TNR: variants seen among roughly 807,000 people sequenced by gnomAD.
TNR encodes the protein tenascin R, also known as tenascin-R.
In TNR, 45 loss-of-function variants were observed where a neutral mutation model predicts 150.4. That is an observed-to-expected ratio of 0.30 (90% CI 0.24 to 0.38). The LOEUF is 0.38. TNR is among the 10% of genes least tolerant of loss of function. The pLI, the probability that TNR is intolerant of heterozygous loss-of-function variation, is 1.00. For synonymous variants in TNR, 687 were observed against 678.4 expected, an observed-to-expected ratio of 1.01 and a Z score of -0.20; for missense variants, 1,544 against 1,759.1, an observed-to-expected ratio of 0.88 and a Z score of 2.19.
intron 1 of TNR, among the ~76,000 whole-genome samples, chr1:175,740,457 G>A (rs1051286496): frequency 1.7e-4 from 26 of 151,908 alleles, no homozygotes; most frequent in African/African-American, 5.8e-4. Flanking sequence ...AGTAATAATG[G>A]CGCTTTCCAG....
chr1:175,476,591 C>A (rs1657553639), intron 2 of TNR, among the ~76,000 whole-genome samples: 1 of 152,164 alleles, frequency 6.6e-6, no homozygotes, highest in Non-Finnish European at 1.5e-5. Context: ...TGAAATAATT[C>A]ACATTCCACA....
rs142886533 is a variant in TNR, at chr1:175,686,008, A to G, written c.-165+57218T>C. On this transcript the variant is annotated intron_variant, in intron 1 of 22. Transcript: ENST00000367674. ...TGGCTCCTTTTGCAAGAAGCTTTCT[A>G]CCACCAGGCTTGAGACTGGATCTCA... Among the ~76,000 whole-genome samples, 25 of 152,216 alleles carry G rather than the reference A, an allele frequency of 1.6e-4. No homozygotes were observed. In the East Asian group the frequency reaches 4.6e-3, roughly 28 times the overall value.
intron 1 of TNR, among the ~76,000 whole-genome samples, chr1:175,730,692 G>A (rs911589663): frequency 2.0e-5 from 3 of 152,148 alleles, no homozygotes; most frequent in Non-Finnish European, 4.4e-5. Flanking sequence ...GGGAGGGAAC[G>A]GACAATAAGG....
intron 1 of TNR, among the ~76,000 whole-genome samples, chr1:175,734,853 G>A (rs183367956): frequency 7.9e-5 from 12 of 152,318 alleles, no homozygotes; most frequent in African/African-American, 2.4e-4. Context: ...GCTGGGCTGC[G>A]TGTGAGCGAG....
chr1:175,520,323 C>T lies in TNR; in HGVS notation c.-64+7946G>A, dbSNP rs148546321. On this transcript the variant is annotated intron_variant, in intron 2 of 22. Coordinates refer to ENST00000367674, the MANE Select transcript of TNR (RefSeq NM_003285.3). ...AATCATCTCCCAGCTTTATTGTTCT[C>T]TGCTGACTCAGCAGAGAAGCGTGGC... 3.2e-3 allele frequency among the ~76,000 whole-genome samples: 489 copies of T among 152,324 alleles called. 2 individuals are homozygous for T. Among genetic ancestry groups the T allele is most frequent in the Non-Finnish European group, 2.5e-3 (171 of 68,038 alleles).
At position 175,530,981 on chromosome 1, in the gene TNR, C is replaced by T. The variant is rs185214426; in HGVS notation, c.-164-2612G>A. On this transcript the variant is annotated intron_variant, in intron 1 of 22. Transcript: ENST00000367674. Reference sequence around the variant, plus strand: ...CACCAGGAATATGAAGAAGAGGATACAGCCACCACCTGCAAGAAGCTCCTG... The same window carrying T: ...CACCAGGAATATGAAGAAGAGGATATAGCCACCACCTGCAAGAAGCTCCTG... 8.8e-4 allele frequency among the ~76,000 whole-genome samples: 134 copies of T among 152,320 alleles called. 1 individual carries two copies. The highest frequency in any genetic ancestry group is 2.2e-3 in the Admixed American group (33 of 15,300).
intron 2 of TNR, among the ~76,000 whole-genome samples, chr1:175,487,390 C>T (rs1254899311): frequency 6.6e-6 from 1 of 152,196 alleles, no homozygotes; most frequent in Non-Finnish European, 1.5e-5. Flanking sequence ...AACCATGGCT[C>T]AGGGGTTGGG....
chr1:175,323,487 GA>G lies in TNR; in HGVS notation c.3958-12del. 6.2e-7 allele frequency: 1 copy of G among 1,613,380 alleles called. No individual in the cohort carries two copies. Among genetic ancestry groups the G allele is most frequent in the Non-Finnish European group, 8.5e-7 (1 of 1,179,596 alleles). On this transcript the variant is annotated splice_polypyrimidine_tract_variant and intron_variant, in intron 22 of 22. Transcript: ENST00000367674. The stretch of plus-strand genomic sequence containing the variant: ...GTACCAGTTGATGCCCTGGGCGTGA[GA>G]AAGATAAGCATGTCAGGTCATCCCC...
rs763287878 is a variant in TNR at position 175,403,143 on chromosome 1, C to A, written c.973G>T (p.Ala325Ser). ...CCCAGAGAGTTCCCCTGCCTACCTGCTGAGCAGTCAGGGCCCTGGTAGCCC... is the reference window on the plus strand; with the variant it reads ...CCCAGAGAGTTCCCCTGCCTACCTGATGAGCAGTCAGGGCCCTGGTAGCCC... ...EEGYQGPDCS[A>S]VAPPEDLRVA... The change falls in exon 4 of 23, where the codon GCA (alanine) becomes TCA (serine). Residue 325 changes from alanine to serine, a missense_variant. Transcript: ENST00000367674. 6.2e-7 allele frequency: 1 copy of A among 1,608,398 alleles called. No homozygotes were observed. Among genetic ancestry groups the A allele is most frequent in the African/African-American group, 1.3e-5 (1 of 74,958 alleles).
chr1:175,372,534 A>C (rs1237229561), intron 9 of TNR, among the ~76,000 whole-genome samples: 1 of 152,262 alleles, frequency 6.6e-6, no homozygotes, highest in Non-Finnish European at 1.5e-5. Flanking sequence ...TCATAGATTA[A>C]TTAGGGCTAG....
chr1:175,659,456 T>A (rs981867284), intron 1 of TNR, among the ~76,000 whole-genome samples: 1 of 152,168 alleles, frequency 6.6e-6, no homozygotes, highest in Non-Finnish European at 1.5e-5. Context: ...GCAGCCCAGG[T>A]GACCAGGCAT....
At chr1:175,402,486 A>C (rs186022648) in intron 4 of TNR, among the ~76,000 whole-genome samples, 139 of 152,290 alleles carry the variant, frequency 9.1e-4, no homozygotes, top group African/African-American at 2.4e-3. Context: ...ATCTGGAACA[A>C]AGTGAGTCAT....
chr1:175,403,349 T>C lies in TNR; in HGVS notation c.767A>G (p.Tyr256Cys), dbSNP rs1241700882. ...VDGECVCEEP[Y>C]TGEDCRELRC... ...CAGTTCCCTGCAGTCCTCGCCAGTG[T>C]AGGGCTCTTCACAGACACACTCCCC... The change falls in exon 4 of 23, where the codon TAC becomes TGC. Residue 256 changes from tyrosine (Y) to cysteine (C), a missense_variant. Coordinates refer to ENST00000367674, the MANE Select transcript of TNR (RefSeq NM_003285.3). 1.2e-6 allele frequency: 2 copies of C among 1,614,080 alleles called. No individual in the cohort carries two copies. Among genetic ancestry groups the C allele is most frequent in the South Asian group, 2.2e-5 (2 of 91,078 alleles).
intron 1 of TNR, among the ~76,000 whole-genome samples, chr1:175,535,621 C>T (rs377749488): frequency 3.3e-5 from 5 of 149,426 alleles, no homozygotes; most frequent in Admixed American, 6.6e-5. Flanking sequence ...CCAACATGCC[C>T]GGCTAATTTT....
chr1:175,542,054 T>A (rs1173008285), intron 1 of TNR, among the ~76,000 whole-genome samples: 1 of 150,052 alleles, frequency 6.7e-6, no homozygotes, highest in Non-Finnish European at 1.5e-5. Context: ...AGGGTAAGAC[T>A]GTGACAACGG....
intron 12 of TNR, among the ~76,000 whole-genome samples, chr1:175,364,725 C>T (rs1487214374): frequency 6.6e-6 from 1 of 152,186 alleles, no homozygotes; most frequent in Non-Finnish European, 1.5e-5. Context: ...TTCTCCAGTG[C>T]TTTTCTTCTA....
chr1:175,537,558 G>A (rs1660340617), intron 1 of TNR, among the ~76,000 whole-genome samples: 2 of 152,168 alleles, frequency 1.3e-5, no homozygotes, highest in Non-Finnish European at 2.9e-5. Flanking sequence ...AGGAATCTCT[G>A]TCATCTCAGA....
At chr1:175,740,519 C>A (rs1667898929) in intron 1 of TNR, among the ~76,000 whole-genome samples, 1 of 152,082 alleles carries the variant, frequency 6.6e-6, no homozygotes, top group Non-Finnish European at 1.5e-5. Flanking sequence ...CAGCTGACCT[C>A]CTCCTTCCAT....
At chr1:175,451,315 C>T (rs1376712575) in intron 2 of TNR, among the ~76,000 whole-genome samples, 2 of 152,004 alleles carry the variant, frequency 1.3e-5, no homozygotes, top group Non-Finnish European at 2.9e-5. Flanking sequence ...TGGTGTGCTG[C>T]ACCCATTAAC....
Sources: gnomAD v4.1 joint callset for allele counts (sites outside exome capture counted in the v4.1 genomes callset) on GRCh38, gnomAD v4.1.1 for gene constraint, MANE v1.5 for transcripts, NCBI Gene and HGNC (gene_info 2026-07-23, HGNC 2026-07-21) for gene names.